The following SCP2 variants were observed in gnomAD, a reference collection of about 807,000 sequenced individuals.
SCP2 encodes the protein SCP-2/3-oxoacyl-CoA thiolase.
SCP2 carries 48 observed loss-of-function variants against 71.4 expected under a neutral mutation model. That is an observed-to-expected ratio of 0.67 (90% CI 0.53 to 0.86). The LOEUF (loss-of-function observed/expected upper bound fraction) is 0.86. Ranked by LOEUF, SCP2 falls within the 40% of genes least tolerant of loss-of-function variation. The pLI is 0.00. For missense variants in SCP2, 560 were observed against 655.6 expected (o/e 0.85, Z 1.59); for synonymous variants, 220 against 218.1 (o/e 1.01, Z -0.08).
chr1:52,979,837 T>C lies in SCP2; in HGVS notation c.826-559T>C, dbSNP rs983318969. Among the ~76,000 whole-genome samples, 16 of 152,226 alleles carry C rather than the reference T, an allele frequency of 1.1e-4. No individual in the cohort carries two copies. In the South Asian group the frequency reaches 3.1e-3, roughly 30 times the overall value. ...AATATGTACATCCTTCTCCTAGATG[T>C]TATTTTATTTAGACTTTCTGTGTAA... On this transcript the variant is annotated intron_variant, in intron 9 of 15. Coordinates refer to ENST00000371514, the MANE Select transcript of SCP2 (RefSeq NM_002979.5).
intron 6 of SCP2, among the ~76,000 whole-genome samples, chr1:52,965,836 T>G (rs1476787332): frequency 6.6e-6 from 1 of 151,250 alleles, no homozygotes; most frequent in African/African-American, 2.4e-5. Context: ...ATTAGAGACC[T>G]GATTTTACCA....
intron 4 of SCP2, among the ~76,000 whole-genome samples, chr1:52,954,217 G>A (rs1655591464): frequency 1.3e-5 from 2 of 151,268 alleles, no homozygotes; most frequent in South Asian, 4.2e-4. Flanking sequence ...AGAGAGCTGA[G>A]GTGGGAGGAT....
chr1:53,044,283 C>T (rs532143825), intron 14 of SCP2, among the ~76,000 whole-genome samples: 4 of 152,168 alleles, frequency 2.6e-5, no homozygotes, highest in Non-Finnish European at 5.9e-5. Flanking sequence ...GTCTTGAACT[C>T]CTGACCTCAG....
At chr1:52,984,268 AG>A (rs1159281887) in intron 10 of SCP2, among the ~76,000 whole-genome samples, 1 of 152,150 alleles carries the variant, frequency 6.6e-6, no homozygotes, top group Non-Finnish European at 1.5e-5. Flanking sequence ...AGCTGTTGAG[AG>A]AGAGAGAGCC....
At chr1:53,035,303 A>T (rs553199663) in intron 13 of SCP2, among the ~76,000 whole-genome samples, 2 of 152,174 alleles carry the variant, frequency 1.3e-5, no homozygotes, top group Admixed American at 1.3e-4. Flanking sequence ...ACCTGGCCAT[A>T]AAATTTAATG....
chr1:53,014,983 T>C lies in SCP2; in HGVS notation c.1175T>C (p.Leu392Ser). ...PGAKVALQHN[L>S]GIGGAVVVTL... Reference sequence around the variant, plus strand: ...GCAAAGGTGGCTCTGCAGCATAATTTAGGCATTGGAGGAGCTGTGGTTGTA... The same window carrying C: ...GCAAAGGTGGCTCTGCAGCATAATTCAGGCATTGGAGGAGCTGTGGTTGTA... The change falls in exon 12 of 16, where the codon TTA becomes TCA. Residue 392 changes from leucine to serine, a missense_variant. Physicochemically the swap from Leu to Ser is moderately radical, Grantham distance 145. This residue lies in a region of SCP2 where 513 missense variants were observed against 573.1 expected (regional missense o/e 0.90). Coordinates refer to ENST00000371514, the MANE Select transcript of SCP2 (RefSeq NM_002979.5). 6.2e-7 allele frequency: 1 copy of C among 1,614,150 alleles called. No individual in the cohort carries two copies. The highest frequency in any genetic ancestry group is 8.5e-7 in the Non-Finnish European group (1 of 1,180,000).
At chr1:53,026,790 A>G (rs1325705324) in intron 12 of SCP2, among the ~76,000 whole-genome samples, 5 of 152,290 alleles carry the variant, frequency 3.3e-5, no homozygotes, top group Admixed American at 1.3e-4. Context: ...CCTGGGCGAC[A>G]GAGTCCCTGT....
At chr1:52,993,690 T>C (rs6697076) in intron 11 of SCP2, 64,189 of 1,611,966 alleles carry the variant, frequency 0.04, 3,656 homozygotes, top group Admixed American at 0.26. Flanking sequence ...TCATAATCCG[T>C]TACAAAATAG....
intron 12 of SCP2, among the ~76,000 whole-genome samples, chr1:53,021,645 C>CT (rs753678066): frequency 0.015 from 1,397 of 95,652 alleles, 28 homozygotes; most frequent in African/African-American, 0.051. Flanking sequence ...CTTTTTCTTT[C>CT]TTTTTTTTTT....
At position 52,980,436 on chromosome 1, in the gene SCP2, A is replaced by C. The variant is rs1282243951; in HGVS notation, c.866A>C (p.Tyr289Ser). The C allele has an allele frequency of 6.2e-6, 10 of 1,614,064 alleles. No homozygotes were observed. Among genetic ancestry groups the C allele is most frequent in the Non-Finnish European group, 8.5e-6 (10 of 1,180,014 alleles). ...DMSKEAARKC[Y>S]EKSGLTPNDI... Reference sequence around the variant, plus strand: ...AGTAAAGAAGCTGCAAGAAAATGCTATGAGAAATCTGGCCTGACACCAAAT... The same window carrying C: ...AGTAAAGAAGCTGCAAGAAAATGCTCTGAGAAATCTGGCCTGACACCAAAT... Residue 289 changes from tyrosine (Y) to serine (S), a missense_variant, in exon 10 of 16, where the codon TAT becomes TCT. Coordinates refer to ENST00000371514, the MANE Select transcript of SCP2 (RefSeq NM_002979.5).
chr1:53,037,667 A>G (rs2150259882), intron 13 of SCP2, among the ~76,000 whole-genome samples: 1 of 152,182 alleles, frequency 6.6e-6, no homozygotes, highest in East Asian at 1.9e-4. Flanking sequence ...TTATACTGAT[A>G]GAGAAAATGA....
intron 13 of SCP2, among the ~76,000 whole-genome samples, chr1:53,037,816 G>C (rs999263669): frequency 3.3e-5 from 5 of 151,064 alleles, no homozygotes; most frequent in African/African-American, 1.2e-4. Flanking sequence ...TGAGGCAGGA[G>C]GATTGCTTGA....
At chr1:52,965,424 G>C (rs1656860259) in intron 6 of SCP2, among the ~76,000 whole-genome samples, 1 of 152,166 alleles carries the variant, frequency 6.6e-6, no homozygotes, top group South Asian at 2.1e-4. Context: ...AAAGAACAGG[G>C]ATTATCTTTT....
chr1:52,935,035 T>G (rs1037012293), intron 1 of SCP2: 1 of 146,778 alleles, frequency 6.8e-6, no homozygotes, highest in African/African-American at 2.5e-5. Flanking sequence ...GAGGCCGAGG[T>G]GGGCGGATCA....
intron 11 of SCP2, among the ~76,000 whole-genome samples, chr1:53,011,457 C>G (rs148634540): frequency 6.6e-6 from 1 of 152,272 alleles, no homozygotes; most frequent in Non-Finnish European, 1.5e-5. Flanking sequence ...GTGTTTGATA[C>G]ATGTTCGAAT....
At chr1:53,021,825 A>G (rs1232197581) in intron 12 of SCP2, among the ~76,000 whole-genome samples, 2 of 150,252 alleles carry the variant, frequency 1.3e-5, no homozygotes, top group African/African-American at 4.9e-5. Context: ...TTGTATTTTT[A>G]GAAGAGACGG....
chr1:52,990,562 G>A (rs111874330), intron 11 of SCP2, among the ~76,000 whole-genome samples: 59 of 151,800 alleles, frequency 3.9e-4, no homozygotes, highest in Non-Finnish European at 6.9e-4. Flanking sequence ...GTGAAACACC[G>A]TCTCTACTAA....
Position 52,974,810 on chromosome 1 carries a change from C to A in SCP2, c.565C>A (p.His189Asn). ...CTTTGCAAAAATTGGATGGAAAAAT[C>A]ATAAACATTCAGTTAATAACCCGTA... ...EHFAKIGWKN[H>N]KHSVNNPYSQ... The change falls in exon 7 of 16, where the codon CAT (histidine) becomes AAT (asparagine). Residue 189 changes from histidine to asparagine, a missense_variant. His to Asn is a moderately conservative substitution (Grantham distance 68). This residue lies in a region of SCP2 where 513 missense variants were observed against 573.1 expected (regional missense o/e 0.90). Transcript: ENST00000371514. 6.5e-7 allele frequency: 1 copy of A among 1,529,566 alleles called. No individual in the cohort carries two copies. The highest frequency in any genetic ancestry group is 9.1e-7 in the Non-Finnish European group (1 of 1,103,152). The allele number at this position is 1,529,566 out of a possible 1,614,324, so 94.7% of individuals were successfully genotyped here.
At chr1:53,004,908 T>C (rs561917656) in intron 11 of SCP2, among the ~76,000 whole-genome samples, 25 of 152,186 alleles carry the variant, frequency 1.6e-4, no homozygotes, top group African/African-American at 5.3e-4. Context: ...ACCTGGAAAA[T>C]TGGGACACTC....
Sources: allele counts gnomAD v4.1 joint callset (sites outside exome capture counted in the v4.1 genomes callset), GRCh38; gene constraint gnomAD v4.1.1; regional missense constraint gnomAD v4.1.1; transcripts MANE v1.5; gene names NCBI Gene and HGNC (gene_info 2026-07-23, HGNC 2026-07-21).